Variants in TM4SF19 observed in about 807,000 individuals in gnomAD.
The protein encoded by TM4SF19 is transmembrane 4 L six family member 19.
TM4SF19 carries 17 observed loss-of-function variants against 21.8 expected under a neutral mutation model. That is an observed-to-expected ratio of 0.78 (90% CI 0.53 to 1.17). The LOEUF is 1.17. Ranked by LOEUF, TM4SF19 falls within the 50% of genes most tolerant of loss-of-function variation. The pLI is 0.00. For missense variants in TM4SF19, 216 were observed against 252.1 expected (o/e 0.86, Z 0.97); for synonymous variants, 107 against 106.7 (o/e 1.00, Z -0.02).
chr3:196,324,076 G>T (rs1425142270), intron 4 of TM4SF19, 79 bp from the exon 5 acceptor site: 1 of 1,547,440 alleles, frequency 6.5e-7, no homozygotes, highest in Non-Finnish European at 8.8e-7. Context: ...AGAAAACTGG[G>T]GTCTCCCCTG....
At chr3:196,324,132 A>G (rs1727185999) in intron 4 of TM4SF19, 135 bp from the exon 5 acceptor site, 1 of 1,435,320 alleles carries the variant, frequency 7.0e-7, no homozygotes, top group Non-Finnish European at 9.7e-7. Flanking sequence ...TTACTGCTCC[A>G]TTTGCAATTT....
chr3:196,324,579 C>G (rs1216280974), intron 3 of TM4SF19, 139 bp from the exon 4 acceptor site: 1 of 761,442 alleles, frequency 1.3e-6, no homozygotes, highest in Non-Finnish European at 2.1e-6. Flanking sequence ...CTTCTCTGGT[C>G]TCAGTGTTCT....
In TM4SF19 at chr3:196,323,974, A is replaced by G. The variant is rs756747779; in HGVS notation, c.473T>C (p.Leu158Pro). The part of the protein sequence containing the change: ...HSRNYLYDRS[L>P]WNSVCLEPSA... ...GGGCTCCAGGCAGACGGAGTTCCAG[A>G]GCGAACGGTCATACAGATAATTCCT... is the stretch of plus-strand genomic sequence containing the variant. Residue 158 changes from leucine to proline, a missense_variant, in exon 5 of 5, where the codon CTC becomes CCC. Physicochemically the swap from Leu to Pro is moderately conservative, Grantham distance 98 (BLOSUM62 -3). Coordinates refer to ENST00000273695, the MANE Select transcript of TM4SF19 (RefSeq NM_138461.4). 1 of 1,614,090 alleles carries G rather than the reference A, an allele frequency of 6.2e-7. No homozygotes were observed. The highest frequency in any genetic ancestry group is 1.1e-5 in the South Asian group (1 of 91,084).
chr3:196,330,711 G>A (rs892626655), intron 1 of TM4SF19, among the ~76,000 whole-genome samples: 3 of 152,190 alleles, frequency 2.0e-5, no homozygotes, highest in Non-Finnish European at 2.9e-5. Context: ...TGGGAAAGAG[G>A]ATTAGTATGG....
intron 3 of TM4SF19, chr3:196,324,913 A>G (rs1727225775): frequency 6.5e-6 from 1 of 152,846 alleles, no homozygotes; most frequent in South Asian, 2.1e-4. Flanking sequence ...GATAAAAAAA[A>G]GGAAGGGAGG....
At chr3:196,337,036 A>ACG (rs909041741) in intron 1 of TM4SF19, among the ~76,000 whole-genome samples, 31 of 147,560 alleles carry the variant, frequency 2.1e-4, no homozygotes, top group African/African-American at 7.7e-4. Flanking sequence ...GACACTGCTG[A>ACG]CGCAAAAAGC....
chr3:196,323,687 T>G lies in TM4SF19; in HGVS notation c.*130A>C. ...TCATTCCACCGACCTGCAGTGAATTTTGTTGTCATTATTACTCCAGGGATA... is the reference window on the plus strand; with the variant it reads ...TCATTCCACCGACCTGCAGTGAATTGTGTTGTCATTATTACTCCAGGGATA... On this transcript the variant is annotated 3_prime_UTR_variant, in exon 5 of 5. Coordinates refer to ENST00000273695, the MANE Select transcript of TM4SF19 (RefSeq NM_138461.4). 4 of 1,537,700 alleles carry G rather than the reference T, an allele frequency of 2.6e-6. No individual in the cohort carries two copies. The highest frequency in any genetic ancestry group is 3.5e-6 in the Non-Finnish European group (4 of 1,138,300).
chr3:196,324,139 AT>A (rs1727186242), intron 4 of TM4SF19, 131 bp downstream of exon 4: 2 of 1,444,432 alleles, frequency 1.4e-6, no homozygotes, highest in Non-Finnish European at 1.9e-6. Context: ...TCCATTTGCA[AT>A]TTTCTGAGTA....
chr3:196,323,671 C>T lies in TM4SF19; in HGVS notation c.*146G>A, dbSNP rs1335015811. ...TTTAAAATGCATTCTATCATTCCAC[C>T]GACCTGCAGTGAATTTTGTTGTCAT... is the stretch of plus-strand genomic sequence containing the variant. On this transcript the variant is annotated 3_prime_UTR_variant, in exon 5 of 5. Coordinates refer to ENST00000273695, the MANE Select transcript of TM4SF19 (RefSeq NM_138461.4). The T allele has an allele frequency of 2.7e-6, 4 of 1,472,536 alleles. No individual in the cohort carries two copies. The highest frequency in any genetic ancestry group is 1.4e-5 in the African/African-American group (1 of 71,280). 91.2% of individuals were successfully genotyped at this position (1,472,536 alleles called of 1,614,324 possible). A position where few individuals can be genotyped will look rare whatever the true frequency, so the allele number is the denominator to read the frequency against.
chr3:196,327,686 CA>C, intron 1 of TM4SF19, 95 bp from the exon 2 acceptor site: 1 of 1,039,268 alleles, frequency 9.6e-7, no homozygotes, highest in Non-Finnish European at 1.4e-6. Context: ...AAACAGACTA[CA>C]GAAACCGCCA....
intron 1 of TM4SF19, among the ~76,000 whole-genome samples, chr3:196,334,387 T>C (rs1170507323): frequency 6.6e-6 from 1 of 152,042 alleles, no homozygotes; most frequent in African/African-American, 2.4e-5. Context: ...TTTTCTTTTT[T>C]TTTTTGAGAT....
chr3:196,330,628 C>CTA (rs1312419388), intron 1 of TM4SF19, among the ~76,000 whole-genome samples: 1 of 152,090 alleles, frequency 6.6e-6, no homozygotes, highest in Non-Finnish European at 1.5e-5. Context: ...TCACATGTTT[C>CTA]TATATATACG....
At chr3:196,328,510 A>G (rs953079533) in intron 1 of TM4SF19, among the ~76,000 whole-genome samples, 1 of 152,222 alleles carries the variant, frequency 6.6e-6, no homozygotes, top group East Asian at 1.9e-4. Flanking sequence ...GCATAAAAAT[A>G]TAATACATAT....
chr3:196,328,924 C>T (rs1415773079), intron 1 of TM4SF19, among the ~76,000 whole-genome samples: 2 of 152,152 alleles, frequency 1.3e-5, no homozygotes, highest in African/African-American at 4.8e-5. Flanking sequence ...AGCTCAGAAA[C>T]AGACCCGGTC....
At chr3:196,324,204 G>A (rs772530092) in intron 4 of TM4SF19, 67 bp downstream of exon 4, 1 of 1,563,040 alleles carries the variant, frequency 6.4e-7, no homozygotes, top group East Asian at 2.2e-5. Flanking sequence ...TAGTTCGTCT[G>A]TGTGTCTTTT....
At chr3:196,326,604 T>C (rs1003265975) in intron 3 of TM4SF19, among the ~76,000 whole-genome samples, 1 of 151,842 alleles carries the variant, frequency 6.6e-6, no homozygotes, top group African/African-American at 2.4e-5. Flanking sequence ...ACTAGGAAAA[T>C]TTCCATCAAT....
rs376426700 is a variant in TM4SF19 at position 196,324,340 on chromosome 3, A to G, written c.380T>C (p.Phe127Ser). Residue 127 changes from phenylalanine (F) to serine (S), a missense_variant, in exon 4 of 5, where the codon TTT (phenylalanine) becomes TCT (serine). Phe to Ser is a radical substitution (Grantham distance 155). Coordinates refer to ENST00000273695, the MANE Select transcript of TM4SF19 (RefSeq NM_138461.4). ...VALKDGPFCM[F>S]DVSSFNQTQA... The stretch of plus-strand genomic sequence containing the variant: ...TGTCTGATTGAAGGATGAAACATCA[A>G]ACATGCAAAAAGGACCATCTTTCAG... 2 of 1,614,118 alleles carry G rather than the reference A, an allele frequency of 1.2e-6. No individual in the cohort carries two copies. Among genetic ancestry groups the G allele is most frequent in the Non-Finnish European group, 1.7e-6 (2 of 1,180,058 alleles).
chr3:196,331,967 A>G (rs986468230), intron 1 of TM4SF19, among the ~76,000 whole-genome samples: 1 of 150,386 alleles, frequency 6.6e-6, no homozygotes, highest in African/African-American at 2.4e-5. Context: ...CTTTGCACCT[A>G]ATCAGAAAAT....
chr3:196,324,186 G>C (rs1289154453), intron 4 of TM4SF19, 85 bp downstream of exon 4: 1 of 1,526,620 alleles, frequency 6.6e-7, no homozygotes, highest in Admixed American at 1.7e-5. Context: ...GTGACCCAAA[G>C]GAGCTTGTAG....
Sources: allele counts gnomAD v4.1 joint callset (sites outside exome capture counted in the v4.1 genomes callset), GRCh38; gene constraint gnomAD v4.1.1; transcripts MANE v1.5; gene names NCBI Gene and HGNC (gene_info 2026-07-23, HGNC 2026-07-21).